Variants in SLIT3 observed in about 807,000 individuals in gnomAD.
SLIT3 encodes the protein slit homolog 3 protein.
In SLIT3, 68 loss-of-function variants were observed where a neutral mutation model predicts 184.0. That is an observed-to-expected ratio of 0.37 (90% CI 0.30 to 0.45). SLIT3 has a LOEUF of 0.45. Ranked by LOEUF, SLIT3 falls within the 20% of genes least tolerant of loss-of-function variation. The pLI is 1.00. For synonymous variants in SLIT3, 831 were observed against 828.6 expected, an observed-to-expected ratio of 1.00 and a Z score of -0.05; for missense variants, 1,707 against 2,026.0, an observed-to-expected ratio of 0.84 and a Z score of 3.02.
chr5:168,862,126 A>C (rs546273477), intron 5 of SLIT3, among the ~76,000 whole-genome samples: 12 of 152,280 alleles, frequency 7.9e-5, no homozygotes, highest in Non-Finnish European at 1.5e-4. Flanking sequence ...TTTAAGGCTA[A>C]CACTGGGTCA....
intron 16 of SLIT3, among the ~76,000 whole-genome samples, chr5:168,755,389 ATTTCTTTCTTTCTTTCTTTCTTTCTTTC>A (rs139729506): frequency 0.15 from 19,928 of 133,722 alleles, 2,306 homozygotes; most frequent in East Asian, 0.26. Flanking sequence ...CAGTGCCGCC[ATTTCTTTCTTTCTTTCTTTCTTTCTTTC>A]TTTCTTTCTT....
intron 1 of SLIT3, among the ~76,000 whole-genome samples, chr5:169,272,399 C>T (rs565708191): frequency 2.6e-5 from 4 of 152,334 alleles, no homozygotes; most frequent in Non-Finnish European, 5.9e-5. Context: ...GCCCAATTCA[C>T]CCATTTATAT....
chr5:169,280,742 C>A (rs1288552692), intron 1 of SLIT3, among the ~76,000 whole-genome samples: 2 of 152,156 alleles, frequency 1.3e-5, no homozygotes, highest in Non-Finnish European at 2.9e-5. Flanking sequence ...CTGGGCAGGG[C>A]TTTGCTGGCC....
At chr5:169,149,102 C>A (rs2113364201) in intron 4 of SLIT3, among the ~76,000 whole-genome samples, 1 of 152,302 alleles carries the variant, frequency 6.6e-6, no homozygotes, top group South Asian at 2.1e-4. Flanking sequence ...CTCCTTAACT[C>A]TAAATTCCAT....
chr5:168,912,678 C>G (rs1375643200), intron 4 of SLIT3, among the ~76,000 whole-genome samples: 1 of 152,230 alleles, frequency 6.6e-6, no homozygotes, highest in Non-Finnish European at 1.5e-5. Flanking sequence ...GCATTATACA[C>G]TTGAATCTTT....
chr5:168,903,335 C>T (rs944123953), intron 4 of SLIT3, among the ~76,000 whole-genome samples: 2 of 151,974 alleles, frequency 1.3e-5, no homozygotes, highest in Non-Finnish European at 2.9e-5. Context: ...ACCTGGTGTC[C>T]CTGGAAGCTG....
At chr5:168,993,610 C>T (rs1755406578) in intron 4 of SLIT3, among the ~76,000 whole-genome samples, 1 of 152,058 alleles carries the variant, frequency 6.6e-6, no homozygotes, top group South Asian at 2.1e-4. Context: ...CAGGATTCTT[C>T]TCTCTCCTAA....
chr5:169,262,480 C>T (rs1405357844), intron 1 of SLIT3, among the ~76,000 whole-genome samples: 3 of 152,072 alleles, frequency 2.0e-5, no homozygotes, highest in Admixed American at 6.5e-5. Flanking sequence ...GTCCAGGTGA[C>T]GGCAGCAGAG....
intron 5 of SLIT3, among the ~76,000 whole-genome samples, chr5:168,847,519 C>T (rs1282286376): frequency 2.6e-5 from 4 of 152,158 alleles, no homozygotes; most frequent in African/African-American, 9.7e-5. Flanking sequence ...CGAGCATCAG[C>T]GTATTCGTAA....
intron 12 of SLIT3, among the ~76,000 whole-genome samples, chr5:168,774,873 T>A (rs1755689180): frequency 6.6e-6 from 1 of 152,146 alleles, no homozygotes; most frequent in African/African-American, 2.4e-5. Flanking sequence ...AAACTGCATC[T>A]ATGTGTAGGC....
At chr5:169,095,935 A>G (rs1015734871) in intron 4 of SLIT3, among the ~76,000 whole-genome samples, 2 of 152,218 alleles carry the variant, frequency 1.3e-5, no homozygotes, top group African/African-American at 4.8e-5. Flanking sequence ...CCTGATCATA[A>G]TGCATTCTGT....
chr5:169,144,777 G>A (rs1022943289), intron 4 of SLIT3, among the ~76,000 whole-genome samples: 4 of 152,170 alleles, frequency 2.6e-5, no homozygotes, highest in African/African-American at 9.6e-5. Context: ...CCCGCAAGAC[G>A]CAAAGTCCTG....
intron 4 of SLIT3, among the ~76,000 whole-genome samples, chr5:169,039,490 G>T (rs964985891): frequency 1.1e-4 from 17 of 151,910 alleles, no homozygotes; most frequent in African/African-American, 3.9e-4. Context: ...CTAATTTTTT[G>T]TATTTTTTAG....
At chr5:168,719,733 C>A (rs1762875880) in intron 23 of SLIT3, among the ~76,000 whole-genome samples, 1 of 152,130 alleles carries the variant, frequency 6.6e-6, no homozygotes, top group Non-Finnish European at 1.5e-5. Flanking sequence ...ATTCTTTAAC[C>A]TAAATTCCTA....
chr5:169,101,477 A>G (rs1028127107), intron 4 of SLIT3, among the ~76,000 whole-genome samples: 5 of 152,196 alleles, frequency 3.3e-5, no homozygotes, highest in African/African-American at 1.2e-4. Flanking sequence ...AGCTTTAACT[A>G]CTAGAATGGA....
At chr5:169,035,543 G>A (rs1180161410) in intron 4 of SLIT3, among the ~76,000 whole-genome samples, 1 of 151,774 alleles carries the variant, frequency 6.6e-6, no homozygotes, top group African/African-American at 2.4e-5. Flanking sequence ...CAGCTGCTCG[G>A]GAGGCTGAGG....
chr5:169,015,610 G>A (rs764813511), intron 4 of SLIT3, among the ~76,000 whole-genome samples: 21 of 152,154 alleles, frequency 1.4e-4, no homozygotes, highest in Non-Finnish European at 2.5e-4. Context: ...GGATCTCCCC[G>A]GTTTCAAACT....
intron 4 of SLIT3, among the ~76,000 whole-genome samples, chr5:169,051,552 T>C (rs753124254): frequency 2.0e-5 from 3 of 152,116 alleles, no homozygotes; most frequent in Non-Finnish European, 4.4e-5. Context: ...AGAATTAGAG[T>C]TCCCTTTAAA....
rs148539334 is a variant in SLIT3 at position 168,859,653 on chromosome 5, T to G, written c.486-14998A>C. On this transcript the variant is annotated intron_variant, in intron 5 of 35. Coordinates refer to ENST00000519560, the MANE Select transcript of SLIT3 (RefSeq NM_003062.4). Reference sequence around the variant, plus strand: ...TAGAGACTCTGAGTGAATGGCATATTTCTGACAACTACTTTTCAATGAGAC... The same window carrying G: ...TAGAGACTCTGAGTGAATGGCATATGTCTGACAACTACTTTTCAATGAGAC... 4.6e-3 allele frequency among the ~76,000 whole-genome samples: 699 copies of G among 152,354 alleles called. 8 individuals carry two copies. Among genetic ancestry groups the G allele is most frequent in the African/African-American group, 0.016 (652 of 41,572 alleles).
Sources: allele counts gnomAD v4.1 joint callset (sites outside exome capture counted in the v4.1 genomes callset), GRCh38; gene constraint gnomAD v4.1.1; transcripts MANE v1.5; gene names NCBI Gene and HGNC (gene_info 2026-07-23, HGNC 2026-07-21).